ARHGAP32: variants seen among roughly 807,000 people sequenced by gnomAD.
ARHGAP32 encodes the protein Rho GTPase activating protein 32.
ARHGAP32 carries 51 observed loss-of-function variants against 186.5 expected under a neutral mutation model. The ratio of observed to expected loss-of-function variants is 0.27; its 90% CI spans 0.22 to 0.35. The LOEUF (loss-of-function observed/expected upper bound fraction) is 0.35, where lower values mean the gene tolerates loss of function less well. Among genes scored for constraint, ARHGAP32 ranks in the 10% least tolerant of loss-of-function variants. ARHGAP32 has a pLI of 1.00. For missense variants in ARHGAP32, 2,186 were observed against 2,623.5 expected, an observed-to-expected ratio of 0.83 and a Z score of 3.64; for synonymous variants, 950 against 964.3, an observed-to-expected ratio of 0.99 and a Z score of 0.27.
Position 129,123,839 on chromosome 11 carries a change from G to A in ARHGAP32, c.359+49C>T. 1.5e-6 allele frequency: 2 copies of A among 1,290,742 alleles called. No individual in the cohort carries two copies. The highest frequency in any genetic ancestry group is 2.1e-4 in the Middle Eastern group (1 of 4,758). 80.0% of individuals were successfully genotyped at this position (1,290,742 alleles called of 1,614,324 possible). A position where few individuals can be genotyped will look rare whatever the true frequency, so the allele number is the denominator to read the frequency against. ...ATGTTATGGAAACTGTGGACAGCCAGCTTCTAACCAGAAGCATTCCCAACA... is the reference window on the plus strand; with the variant it reads ...ATGTTATGGAAACTGTGGACAGCCAACTTCTAACCAGAAGCATTCCCAACA... On this transcript the variant is annotated intron_variant, in intron 4 of 22. Coordinates refer to ENST00000682385, the MANE Select transcript of ARHGAP32 (RefSeq NM_001378024.1). The surrounding 1 kb of genome is among the most constrained non-coding windows in gnomAD (Gnocchi z 4.6).
intron 6 of ARHGAP32, among the ~76,000 whole-genome samples, chr11:129,087,126 G>A (rs939642651): frequency 1.3e-5 from 2 of 152,184 alleles, no homozygotes; most frequent in African/African-American, 4.8e-5. Context: ...AACAGGAACT[G>A]TCATTCATTG....
intron 5 of ARHGAP32, among the ~76,000 whole-genome samples, chr11:129,120,306 G>C (rs1461228254): frequency 2.0e-5 from 3 of 152,080 alleles, no homozygotes; most frequent in African/African-American, 7.2e-5. Flanking sequence ...ACCAAGATGG[G>C]AAGTCAGCAG....
chr11:129,011,807 T>TC (rs1938099126), intron 11 of ARHGAP32, among the ~76,000 whole-genome samples: 1 of 152,062 alleles, frequency 6.6e-6, no homozygotes, highest in Non-Finnish European at 1.5e-5. Flanking sequence ...TAGGGAGTAA[T>TC]CTTCAGGATA....
In ARHGAP32 at chr11:128,969,695, G is replaced by A. The variant is rs371281246; in HGVS notation, c.5518C>T (p.Arg1840Cys). 49 of 1,613,980 alleles carry A rather than the reference G, an allele frequency of 3.0e-5. No individual in the cohort carries two copies. The highest frequency in any genetic ancestry group is 2.5e-4 in the Admixed American group (15 of 60,008). Residue 1840 changes from arginine (R) to cysteine (C), a missense_variant, in exon 23 of 23, where the codon CGC (arginine) becomes TGC (cysteine). Transcript: ENST00000682385. This position sits in a 1 kb window ranked among gnomAD's most constrained non-coding sequence, Gnocchi z 4.8. ...GCCTCGGGATGCCTCCTATAGAAGC[G>A]GTCCTCTCCCTCGGGACTGATGGCC... ...AKAISPEGED[R>C]FYRRHPEAEM...
chr11:129,036,570 T>C lies in ARHGAP32; in HGVS notation c.1045+4358A>G, dbSNP rs568524580. 2.6e-3 allele frequency among the ~76,000 whole-genome samples: 389 copies of C among 152,248 alleles called. 1 individual carries two copies. Among genetic ancestry groups the C allele is most frequent in the Non-Finnish European group, 3.1e-3 (213 of 68,024 alleles). On this transcript the variant is annotated intron_variant, in intron 11 of 22. Transcript: ENST00000682385. ...CACCACAGAAAGATGGATAAAAATATGTGCAGGAAATTAAATGTTTGATGT... is the reference window on the plus strand; with the variant it reads ...CACCACAGAAAGATGGATAAAAATACGTGCAGGAAATTAAATGTTTGATGT...
At chr11:129,187,697 A>G (rs1944190712) in intron 1 of ARHGAP32, among the ~76,000 whole-genome samples, 1 of 152,162 alleles carries the variant, frequency 6.6e-6, no homozygotes, top group Admixed American at 6.6e-5. Flanking sequence ...CCTAAAATTA[A>G]AAATAATTTT....
chr11:128,994,161 CT>C (rs1459353110), intron 12 of ARHGAP32, among the ~76,000 whole-genome samples: 10 of 146,978 alleles, frequency 6.8e-5, no homozygotes, highest in South Asian at 2.2e-4. Flanking sequence ...ATTTTTTTTT[CT>C]TTTTTTTTTG....
chr11:129,169,993 T>C (rs927007155), intron 1 of ARHGAP32, among the ~76,000 whole-genome samples: 1 of 152,066 alleles, frequency 6.6e-6, no homozygotes. Flanking sequence ...AATTATAGGT[T>C]GATATAATGA....
At chr11:129,222,046 GACAACTATA>G (rs1465433394) in intron 1 of ARHGAP32, among the ~76,000 whole-genome samples, 1 of 152,062 alleles carries the variant, frequency 6.6e-6, no homozygotes, top group Non-Finnish European at 1.5e-5. Context: ...CTGAAATATT[GACAACTATA>G]GCTACTATTG....
intron 11 of ARHGAP32, among the ~76,000 whole-genome samples, chr11:129,002,805 ATTTTTTTT>A (rs36036048): frequency 9.3e-6 from 1 of 108,070 alleles, no homozygotes; most frequent in African/African-American, 3.6e-5. Flanking sequence ...AGGGATGTTG[ATTTTTTTT>A]TTTTTTTTTT....
intron 1 of ARHGAP32, among the ~76,000 whole-genome samples, chr11:129,278,804 C>G (rs1945569249): frequency 6.6e-6 from 1 of 151,370 alleles, no homozygotes; most frequent in Non-Finnish European, 1.5e-5. Flanking sequence ...AGCCCCCACT[C>G]GGCCGCTCCC....
intron 6 of ARHGAP32, among the ~76,000 whole-genome samples, chr11:129,068,109 G>T (rs1414094780): frequency 6.6e-6 from 1 of 152,078 alleles, no homozygotes; most frequent in African/African-American, 2.4e-5. Context: ...AAGGGATCCA[G>T]TTAGTTCTGA....
intron 6 of ARHGAP32, among the ~76,000 whole-genome samples, chr11:129,081,238 G>C (rs546567188): frequency 6.6e-6 from 1 of 152,148 alleles, no homozygotes; most frequent in South Asian, 2.1e-4. Context: ...TAGAGAAAGA[G>C]GGAATCTTCC....
rs1287639654 is a variant in ARHGAP32, at chr11:129,245,704, A to T, written c.-5+33442T>A. Reference sequence around the variant, plus strand: ...ATAATAATAATAATAATAATAATGTATGAAGGTAACAATTTTATTGCCTCC... The same window carrying T: ...ATAATAATAATAATAATAATAATGTTTGAAGGTAACAATTTTATTGCCTCC... On this transcript the variant is annotated intron_variant, in intron 1 of 6. Transcript: ENST00000525234. Among the ~76,000 whole-genome samples the T allele has an allele frequency of 2.0e-5, 3 of 149,864 alleles. No homozygotes were observed. In the East Asian group the frequency reaches 5.8e-4, roughly 29 times the overall value.
intron 11 of ARHGAP32, chr11:129,030,640 CAG>C (rs1295387537): frequency 6.6e-6 from 1 of 152,064 alleles, no homozygotes; most frequent in Non-Finnish European, 1.5e-5. Flanking sequence ...TCAAATAAAA[CAG>C]AAATTTGTGA....
intron 2 of ARHGAP32, among the ~76,000 whole-genome samples, chr11:129,139,543 A>C (rs1943005592): frequency 6.6e-6 from 1 of 152,106 alleles, no homozygotes; most frequent in Admixed American, 6.5e-5. Flanking sequence ...CATGGGAGGG[A>C]CCCAGTGGGA....
rs1036766517 is a variant in ARHGAP32 at position 129,123,306 on chromosome 11, A to G, written c.444+140T>C. On this transcript the variant is annotated intron_variant, in intron 5 of 22. Coordinates refer to ENST00000682385, the MANE Select transcript of ARHGAP32 (RefSeq NM_001378024.1). The surrounding 1 kb of genome is among the most constrained non-coding windows in gnomAD (Gnocchi z 4.6). ...GTCAATAGAAGAGAAGAAAGATTTT[A>G]CCTCAACCAATAAGACATCAATTAA... 7 of 647,052 alleles carry G rather than the reference A, an allele frequency of 1.1e-5. No individual in the cohort carries two copies. The highest frequency in any genetic ancestry group is 1.8e-5 in the Non-Finnish European group (7 of 379,194). 40.1% of individuals were successfully genotyped at this position (647,052 alleles called of 1,614,324 possible).
At chr11:129,192,790 T>C (rs975925166), upstream of ARHGAP32, among the ~76,000 whole-genome samples, 4 of 152,198 alleles carry the variant, frequency 2.6e-5, no homozygotes, top group Non-Finnish European at 4.4e-5. Flanking sequence ...TATGCATCTC[T>C]GCTCAAGTAT....
chr11:129,160,295 A>G (rs1943502226), intron 2 of ARHGAP32, among the ~76,000 whole-genome samples: 1 of 152,206 alleles, frequency 6.6e-6, no homozygotes, highest in Admixed American at 6.5e-5. Flanking sequence ...TCAAATAGGA[A>G]GAGAGGAAGT....
Sources: allele counts gnomAD v4.1 joint callset (sites outside exome capture counted in the v4.1 genomes callset), GRCh38; gene constraint gnomAD v4.1.1; non-coding constraint Gnocchi (gnomAD v3.1); transcripts MANE v1.5; gene names NCBI Gene and HGNC (gene_info 2026-07-23, HGNC 2026-07-21).